SYNJ2: variants seen among roughly 807,000 people sequenced by gnomAD.
SYNJ2 encodes the protein synaptojanin 2, also known as polyphosphatidylinositol phosphatase SYNJ2.
Under a neutral mutation model 141.3 loss-of-function variants are expected in SYNJ2, and 116 were observed. The observed-to-expected ratio is 0.82, with a 90% CI of 0.71 to 0.96. The LOEUF (loss-of-function observed/expected upper bound fraction) is 0.96, where lower values mean the gene tolerates loss of function less well. Ranked by LOEUF, SYNJ2 falls within the 40% of genes least tolerant of loss-of-function variation. The pLI, the probability that SYNJ2 is intolerant of heterozygous loss-of-function variation, is 0.00. For missense variants in SYNJ2, 1,873 were observed against 1,934.8 expected (o/e 0.97, Z 0.60); for synonymous variants, 745 against 777.7 (o/e 0.96, Z 0.70).
rs1406909446 is a variant in SYNJ2, at chr6:158,027,340, C to T, written c.215-1416C>T. On this transcript the variant is annotated intron_variant, in intron 2 of 26. Transcript: ENST00000355585. The surrounding 1 kb of genome is among the most constrained non-coding windows in gnomAD (Gnocchi z 4.6). ...ACCTCAGCGGGGTGGGAAGAGTGTC[C>T]TTGGGACTAGAGCCCTGCCAGACCC... 2.3e-6 allele frequency: 1 copy of T among 435,088 alleles called. No individual in the cohort carries two copies. Among genetic ancestry groups the T allele is most frequent in the East Asian group, 1.6e-4 (1 of 6,380 alleles). The allele number at this position is 435,088 out of a possible 1,614,324, so 27.0% of individuals were successfully genotyped here. A position where few individuals can be genotyped will look rare whatever the true frequency, so the allele number is the denominator to read the frequency against.
At position 157,982,335 on chromosome 6, in the gene SYNJ2, G is replaced by T. The variant is rs1777045498; in HGVS notation, c.127+247G>T. Among the ~76,000 whole-genome samples the T allele has an allele frequency of 6.6e-6, 1 of 152,230 alleles. No homozygotes were observed. The highest frequency in any genetic ancestry group is 1.5e-5 in the Non-Finnish European group (1 of 68,044). ...TCCACGGGGATCTCCGGCCCGCGCC[G>T]CCAGAGGATATGGTTGCTGGATAGC... is the stretch of plus-strand genomic sequence containing the variant. On this transcript the variant is annotated intron_variant, in intron 1 of 26. Coordinates refer to ENST00000355585, the MANE Select transcript of SYNJ2 (RefSeq NM_003898.4). This position sits in a 1 kb window ranked among gnomAD's most constrained non-coding sequence, Gnocchi z 4.0.
intron 2 of SYNJ2, among the ~76,000 whole-genome samples, chr6:158,022,120 G>T (rs12206632): frequency 1.3e-5 from 2 of 152,138 alleles, no homozygotes; most frequent in Non-Finnish European, 2.9e-5. Context: ...TGCGGGTGGC[G>T]GGGGAGGCTC....
In SYNJ2 at chr6:158,070,059, A is replaced by C. The variant is rs1284421015; in HGVS notation, c.1940+386A>C. 1 of 791,034 alleles carries C rather than the reference A, an allele frequency of 1.3e-6. No homozygotes were observed. Among genetic ancestry groups the C allele is most frequent in the African/African-American group, 1.9e-5 (1 of 53,646 alleles). The allele number at this position is 791,034 out of a possible 1,614,324, so 49.0% of individuals were successfully genotyped here. ...TTTTGTCCCTTTTTAAAAGAATTCTAAGTAGAACGTGTGGGCCTCTACAAC... is the reference window on the plus strand; with the variant it reads ...TTTTGTCCCTTTTTAAAAGAATTCTCAGTAGAACGTGTGGGCCTCTACAAC... On this transcript the variant is annotated intron_variant, in intron 14 of 26. Coordinates refer to ENST00000355585, the MANE Select transcript of SYNJ2 (RefSeq NM_003898.4). The surrounding 1 kb of genome is among the most constrained non-coding windows in gnomAD (Gnocchi z 4.0).
chr6:158,006,893 G>A (rs1159822911), intron 1 of SYNJ2, among the ~76,000 whole-genome samples: 5 of 14,090 alleles, frequency 3.5e-4, no homozygotes, highest in African/African-American at 9.9e-4. Flanking sequence ...GGCTGGTCTC[G>A]AACTCCTAAA....
chr6:158,094,410 A>C lies in SYNJ2; in HGVS notation c.3745-1208A>C, dbSNP rs575589411. On this transcript the variant is annotated intron_variant, in intron 26 of 26. Coordinates refer to ENST00000355585, the MANE Select transcript of SYNJ2 (RefSeq NM_003898.4). ...ACGGCTGGGCAAAAAAAAAAAAAAA[A>C]AAAAAAAACACCCATCCAACACAGC... Among the ~76,000 whole-genome samples the C allele has an allele frequency of 7.0e-3, 1,066 of 151,468 alleles. 8 individuals are homozygous for C. Among genetic ancestry groups the C allele is most frequent in the Middle Eastern group, 0.034 (10 of 294 alleles).
In SYNJ2 at chr6:158,017,171, G is replaced by A. The variant is rs200799008; in HGVS notation, c.128-33G>A. On this transcript the variant is annotated intron_variant, in intron 1 of 26. Transcript: ENST00000355585. The stretch of plus-strand genomic sequence containing the variant: ...GAACAGGAATGAGCAGGAGACGCTC[G>A]CTGATGCCTTCTGTGATGTGTTTCT... The A allele has an allele frequency of 5.0e-5, 80 of 1,607,916 alleles. No individual in the cohort carries two copies. The East Asian group carries it at 1.7e-3, about 33-fold the overall frequency.
intron 4 of SYNJ2, among the ~76,000 whole-genome samples, chr6:158,042,497 G>C (rs983444610): frequency 1.3e-5 from 2 of 152,256 alleles, no homozygotes; most frequent in African/African-American, 2.4e-5. Flanking sequence ...GGCCAGGCTA[G>C]AGTTGCGCAG....
chr6:158,076,573 A>G (rs1782303289), intron 16 of SYNJ2, 53 bp from the exon 17 acceptor site: 3 of 1,568,990 alleles, frequency 1.9e-6, no homozygotes, highest in Non-Finnish European at 2.6e-6. Flanking sequence ...TTTGTATATA[A>G]CATTCAGGAT....
intron 26 of SYNJ2, among the ~76,000 whole-genome samples, chr6:158,094,791 A>G (rs968310456): frequency 2.0e-5 from 3 of 152,230 alleles, no homozygotes; most frequent in Non-Finnish European, 2.9e-5. Context: ...TTTCTTTGTG[A>G]TAGATTTGAA....
At chr6:158,066,111 C>T (rs1009014) in intron 11 of SYNJ2, among the ~76,000 whole-genome samples, 51,056 of 152,024 alleles carry the variant, frequency 0.34, 8,892 homozygotes, top group South Asian at 0.43. Flanking sequence ...TGTTCTTCTA[C>T]GGAGTGGACA....
Position 158,083,463 on chromosome 6 carries a change from C to T in SYNJ2, c.2900C>T (p.Thr967Ile). 6.2e-7 allele frequency: 1 copy of T among 1,614,166 alleles called. No individual in the cohort carries two copies. Among genetic ancestry groups the T allele is most frequent in the East Asian group, 2.2e-5 (1 of 44,876 alleles). Residue 967 changes from threonine (T) to isoleucine (I), a missense_variant, in exon 21 of 27, where the codon ACC (threonine) becomes ATC (isoleucine). Coordinates refer to ENST00000355585, the MANE Select transcript of SYNJ2 (RefSeq NM_003898.4). ...KGRAVKIRPK[T>I]KDWLKGLREE... ...AGAGCAGTGAAGATTAGACCGAAGACCAAGGACTGGCTGAAAGGTTTGCGA... is the reference window on the plus strand; with the variant it reads ...AGAGCAGTGAAGATTAGACCGAAGATCAAGGACTGGCTGAAAGGTTTGCGA...
rs560262957 is a variant in SYNJ2, at chr6:158,027,814, G to C, written c.215-942G>C. ...AGGAAGGCTTCCCGGAGGAGTTGCT[G>C]CCAAGTTGGCCCAGAAGGATGAGGA... On this transcript the variant is annotated intron_variant, in intron 2 of 26. Coordinates refer to ENST00000355585, the MANE Select transcript of SYNJ2 (RefSeq NM_003898.4). This position sits in a 1 kb window ranked among gnomAD's most constrained non-coding sequence, Gnocchi z 4.6. The C allele has an allele frequency of 3.9e-5, 6 of 152,560 alleles. No homozygotes were observed. Among genetic ancestry groups the C allele is most frequent in the African/African-American group, 1.4e-4 (6 of 41,510 alleles). 9.5% of individuals were successfully genotyped at this position (152,560 alleles called of 1,614,324 possible).
chr6:158,069,523 T>C lies in SYNJ2; in HGVS notation c.1800-10T>C. On this transcript the variant is annotated splice_polypyrimidine_tract_variant and intron_variant, in intron 13 of 26. Transcript: ENST00000355585. The stretch of plus-strand genomic sequence containing the variant: ...ACCTGTAAACAGCATCCTTTCCTTT[T>C]CTCTTCCAGTACTACCAACAAGAAG... 1 of 1,609,198 alleles carries C rather than the reference T, an allele frequency of 6.2e-7. No homozygotes were observed. The highest frequency in any genetic ancestry group is 8.5e-7 in the Non-Finnish European group (1 of 1,176,770).
chr6:158,034,506 A>C (rs973093389), intron 4 of SYNJ2, among the ~76,000 whole-genome samples: 6 of 152,106 alleles, frequency 3.9e-5, no homozygotes, highest in African/African-American at 1.4e-4. Flanking sequence ...TTGAGCACCT[A>C]CCTTTACTGT....
In SYNJ2 at chr6:158,087,837, T is replaced by G. The variant is rs543043736; in HGVS notation, c.3344-823T>G. 9.9e-5 allele frequency among the ~76,000 whole-genome samples: 15 copies of G among 151,838 alleles called. No homozygotes were observed. The East Asian group carries it at 2.1e-3, about 22-fold the overall frequency. ...CGGGTCGTAGTTGTTGAAAAAAGTC[T>G]TCTTTTTCCAGTTTCATGTATCTGC... On this transcript the variant is annotated intron_variant, in intron 23 of 26. Coordinates refer to ENST00000355585, the MANE Select transcript of SYNJ2 (RefSeq NM_003898.4).
At chr6:158,062,207 A>G (rs1008912145) in intron 8 of SYNJ2, 43 bp downstream of exon 8, 2 of 1,589,658 alleles carry the variant, frequency 1.3e-6, no homozygotes, top group South Asian at 1.1e-5. Flanking sequence ...TGCTGGGGGG[A>G]AGCGTCAGTC....
At chr6:158,024,352 T>C (rs897881433) in intron 2 of SYNJ2, among the ~76,000 whole-genome samples, 1 of 152,156 alleles carries the variant, frequency 6.6e-6, no homozygotes, top group African/African-American at 2.4e-5. Context: ...AAGGCGAAAG[T>C]TGAACCCGGG....
chr6:157,996,073 G>A (rs573984722), intron 1 of SYNJ2, among the ~76,000 whole-genome samples: 1 of 152,156 alleles, frequency 6.6e-6, no homozygotes, highest in African/African-American at 2.4e-5. Context: ...ATTCCAACAA[G>A]AGCCTGGTCT....
intron 4 of SYNJ2, among the ~76,000 whole-genome samples, chr6:158,039,764 T>C (rs1235696992): frequency 1.7e-5 from 2 of 119,882 alleles, no homozygotes; most frequent in African/African-American, 6.5e-5. Flanking sequence ...CGCCCCAGGG[T>C]GCAGGGAGCA....
Sources: gnomAD v4.1 joint callset for allele counts (sites outside exome capture counted in the v4.1 genomes callset) on GRCh38, gnomAD v4.1.1 for gene constraint, Gnocchi (gnomAD v3.1) non-coding constraint, MANE v1.5 for transcripts, NCBI Gene and HGNC (gene_info 2026-07-23, HGNC 2026-07-21) for gene names.